Variants in CAPN13 observed in about 807,000 individuals in gnomAD.
CAPN13 encodes the protein calpain-13.
CAPN13 carries 90 observed loss-of-function variants against 98.4 expected under a neutral mutation model. That is an observed-to-expected ratio of 0.92 (90% CI 0.77 to 1.09). The LOEUF (loss-of-function observed/expected upper bound fraction) is 1.09, where lower values mean the gene tolerates loss of function less well. Among genes scored for constraint, CAPN13 ranks in the 50% least tolerant of loss-of-function variants. CAPN13 has a pLI of 0.00. For missense variants in CAPN13, 887 were observed against 841.3 expected, an observed-to-expected ratio of 1.05 and a Z score of -0.67; for synonymous variants, 330 against 305.5, an observed-to-expected ratio of 1.08 and a Z score of -0.84.
At chr2:30,726,047 AAAG>A (rs1208979908) in intron 22 of CAPN13, among the ~76,000 whole-genome samples, 2 of 152,220 alleles carry the variant, frequency 1.3e-5, no homozygotes, top group African/African-American at 2.4e-5. Context: ...TATAAACCTG[AAAG>A]AATGATTTAT....
chr2:30,793,050 T>C (rs1245711063), intron 1 of CAPN13, among the ~76,000 whole-genome samples: 1 of 151,858 alleles, frequency 6.6e-6, no homozygotes, highest in East Asian at 1.9e-4. Context: ...GCTAACATAA[T>C]ATTTAATGAT....
intron 22 of CAPN13, among the ~76,000 whole-genome samples, chr2:30,728,263 C>T (rs971821171): frequency 2.0e-5 from 3 of 151,118 alleles, no homozygotes; most frequent in Admixed American, 1.3e-4. Flanking sequence ...TGTTGCACAC[C>T]TCTGACTACG....
chr2:30,738,506 T>A (rs1032689564), intron 15 of CAPN13, 49 bp from the exon 16 acceptor site: 6 of 1,546,774 alleles, frequency 3.9e-6, no homozygotes, highest in Non-Finnish European at 5.3e-6. Flanking sequence ...TGCCAGGATC[T>A]GAGAGGCACA....
At chr2:30,731,528 G>A in intron 20 of CAPN13, 129 bp from the exon 21 acceptor site, 1 of 713,772 alleles carries the variant, frequency 1.4e-6, no homozygotes, top group Non-Finnish European at 2.2e-6. Flanking sequence ...TGCTCCGCGG[G>A]GTGTGCCTGT....
At chr2:30,760,324 G>A (rs1226197479) in intron 7 of CAPN13, among the ~76,000 whole-genome samples, 3 of 152,166 alleles carry the variant, frequency 2.0e-5, no homozygotes, top group African/African-American at 7.2e-5. Context: ...ATTGTTAACT[G>A]CCAGCACCTG....
At chr2:30,793,684 A>G (rs1420463840) in intron 1 of CAPN13, among the ~76,000 whole-genome samples, 3 of 151,924 alleles carry the variant, frequency 2.0e-5, no homozygotes, top group African/African-American at 7.2e-5. Flanking sequence ...ACCCAACCTG[A>G]CTTCAATACA....
intron 13 of CAPN13, 50 bp from the exon 14 acceptor site, chr2:30,742,409 A>T (rs1321722151): frequency 1.9e-6 from 3 of 1,581,510 alleles, no homozygotes; most frequent in Middle Eastern, 1.7e-4. Flanking sequence ...CACCACTCAA[A>T]GGGGGCCTGC....
At chr2:30,774,543 A>G (rs1364704959) in intron 4 of CAPN13, among the ~76,000 whole-genome samples, 2 of 152,204 alleles carry the variant, frequency 1.3e-5, no homozygotes. Flanking sequence ...ACTCAGTGGC[A>G]ATATATTTGA....
At chr2:30,757,424 C>T (rs1672509240) in intron 8 of CAPN13, among the ~76,000 whole-genome samples, 2 of 152,260 alleles carry the variant, frequency 1.3e-5, no homozygotes, top group African/African-American at 4.8e-5. Flanking sequence ...CCTGTCCCTC[C>T]TGATCTAAGT....
At chr2:30,725,176 C>T (rs1415435180) in intron 22 of CAPN13, among the ~76,000 whole-genome samples, 1 of 152,172 alleles carries the variant, frequency 6.6e-6, no homozygotes, top group Non-Finnish European at 1.5e-5. Context: ...AAAATCAATA[C>T]AGCCTCAAGT....
chr2:30,802,469 G>GTGTA, intron 1 of CAPN13, among the ~76,000 whole-genome samples: 1 of 149,910 alleles, frequency 6.7e-6, no homozygotes, highest in East Asian at 2.0e-4. Flanking sequence ...GTGTATGTGT[G>GTGTA]TGTGTGTGTG....
chr2:30,758,141 T>C lies in CAPN13; in HGVS notation c.775-4A>G, dbSNP rs1672556151. On this transcript the variant is annotated splice_polypyrimidine_tract_variant and splice_region_variant and intron_variant, in intron 7 of 22. Coordinates refer to ENST00000295055, the MANE Select transcript of CAPN13 (RefSeq NM_144575.3). The stretch of plus-strand genomic sequence containing the variant: ...CCCAGCCCCTTCGGTATTGAATCTG[T>C]AAAGAAAACAGAAAAGGAAACTCAG... The C allele has an allele frequency of 6.3e-7, 1 of 1,590,116 alleles. No homozygotes were observed. Among genetic ancestry groups the C allele is most frequent in the Non-Finnish European group, 8.6e-7 (1 of 1,169,056 alleles).
chr2:30,788,852 G>C (rs1674462200), intron 1 of CAPN13, among the ~76,000 whole-genome samples: 1 of 152,158 alleles, frequency 6.6e-6, no homozygotes, highest in Non-Finnish European at 1.5e-5. Flanking sequence ...GGAGAGAATT[G>C]TGCATACAAC....
intron 13 of CAPN13, among the ~76,000 whole-genome samples, chr2:30,742,690 G>A (rs1671723377): frequency 6.6e-6 from 1 of 152,148 alleles, no homozygotes; most frequent in African/African-American, 2.4e-5. Context: ...CTGGCATGCT[G>A]GACTTAGAAG....
intron 4 of CAPN13, among the ~76,000 whole-genome samples, chr2:30,771,715 T>C (rs1673421087): frequency 6.6e-6 from 1 of 152,210 alleles, no homozygotes; most frequent in African/African-American, 2.4e-5. Flanking sequence ...CAGCATATAG[T>C]AGACAGCAGT....
chr2:30,725,618 C>A (rs553086476), intron 22 of CAPN13, among the ~76,000 whole-genome samples: 1 of 152,124 alleles, frequency 6.6e-6, no homozygotes, highest in Non-Finnish European at 1.5e-5. Context: ...AGACTTTGCT[C>A]GCTCCAGGGA....
At chr2:30,792,494 T>C (rs1337517656) in intron 1 of CAPN13, among the ~76,000 whole-genome samples, 1 of 152,002 alleles carries the variant, frequency 6.6e-6, no homozygotes, top group Non-Finnish European at 1.5e-5. Context: ...ATACAATTTA[T>C]CAAAGTTGAC....
rs756522928 is a variant in CAPN13 at position 30,732,514 on chromosome 2, G to C, written c.1851C>G (p.Leu617=). 1.2e-6 allele frequency: 2 copies of C among 1,612,190 alleles called. No individual in the cohort carries two copies. Among genetic ancestry groups the C allele is most frequent in the Admixed American group, 3.3e-5 (2 of 59,826 alleles). ...ISRELLHLVT[L]RYSDSVGRVS... ...CCCTGCCGACGCTGTCGCTGTACCT[G>C]AGGGTCACCAGATGCAGCAGCTCAC... Residue 617 remains leucine, a synonymous_variant, in exon 20 of 23, where the codon CTC becomes CTG. Coordinates refer to ENST00000295055, the MANE Select transcript of CAPN13 (RefSeq NM_144575.3).
chr2:30,754,317 T>C lies in CAPN13; in HGVS notation c.914A>G (p.His305Arg), dbSNP rs1672327990. The C allele has an allele frequency of 1.9e-6, 3 of 1,607,284 alleles. No homozygotes were observed. The highest frequency in any genetic ancestry group is 1.3e-5 in the African/African-American group (1 of 74,896). The part of the protein sequence containing the change: ...ETCDPRKSQL[H>R]KKREDGEFWM... ...AAACTCGCCATCTTCCCGTTTCTTA[T>C]GTAGCTGGCTTTTCCGCGGATCACA... The change falls in exon 9 of 23, where the codon CAT becomes CGT. Residue 305 changes from histidine (H) to arginine (R), a missense_variant. His to Arg is a conservative substitution (Grantham distance 29). Transcript: ENST00000295055.
Sources: gnomAD v4.1 joint callset for allele counts (sites outside exome capture counted in the v4.1 genomes callset) on GRCh38, gnomAD v4.1.1 for gene constraint, MANE v1.5 for transcripts, NCBI Gene and HGNC (gene_info 2026-07-23, HGNC 2026-07-21) for gene names.